The following VWA2 variants were observed in gnomAD, a reference collection of about 807,000 sequenced individuals.
The protein encoded by VWA2 is von Willebrand factor A domain containing 2.
In VWA2, 73 loss-of-function variants were observed where a neutral mutation model predicts 70.4. The observed-to-expected ratio is 1.04, with a 90% CI of 0.86 to 1.26. The LOEUF is 1.26. Ranked by LOEUF, VWA2 falls within the 50% of genes most tolerant of loss-of-function variation. The pLI, the probability that VWA2 is intolerant of heterozygous loss-of-function variation, is 0.00. For synonymous variants in VWA2, 407 were observed against 423.3 expected, an observed-to-expected ratio of 0.96 and a Z score of 0.47; for missense variants, 1,011 against 998.5, an observed-to-expected ratio of 1.01 and a Z score of -0.17.
chr10:114,272,767 T>C lies in VWA2; in HGVS notation c.399T>C (p.Ala133=), dbSNP rs757184226. 1 of 1,610,768 alleles carries C rather than the reference T, an allele frequency of 6.2e-7. No homozygotes were observed. The highest frequency in any genetic ancestry group is 8.5e-7 in the Non-Finnish European group (1 of 1,178,244). The change falls in exon 6 of 14, where the codon GCT becomes GCC. Residue 133 remains alanine (A), a synonymous_variant. Transcript: ENST00000392982. ...FKGGRTETEL[A]LKYLLHRGLP... ...GAGGGCGCACGGAGACGGAACTTGC[T>C]CTGAAATACCTTCTGCACAGAGGGT...
intron 4 of VWA2, among the ~76,000 whole-genome samples, chr10:114,255,580 G>A (rs77457607): frequency 0.019 from 2,839 of 152,324 alleles, 55 homozygotes; most frequent in Non-Finnish European, 0.025. Flanking sequence ...GAAAGGGAAA[G>A]CATGCTAAGC....
chr10:114,265,245 T>G (rs973390152), intron 5 of VWA2, among the ~76,000 whole-genome samples: 3 of 148,374 alleles, frequency 2.0e-5, no homozygotes, highest in Non-Finnish European at 4.5e-5. Flanking sequence ...GTGAATTTTA[T>G]GTTATGTAAG....
chr10:114,279,149 T>G (rs1047874995), intron 8 of VWA2, among the ~76,000 whole-genome samples: 4 of 152,120 alleles, frequency 2.6e-5, no homozygotes, highest in Non-Finnish European at 5.9e-5. Context: ...TGGTCTGCAC[T>G]TGGGATATTG....
rs187529439 is a variant in VWA2 at position 114,282,707 on chromosome 10, G to A, written c.889+136G>A. On this transcript the variant is annotated intron_variant, in intron 9 of 13. Coordinates refer to ENST00000392982, the MANE Select transcript of VWA2 (RefSeq NM_001272046.2). ...AGGGCAGAGGGATGGGGCACTTGGG[G>A]GGCAGAGGAGAGTGTGCTCTTGACT... The A allele has an allele frequency of 4.2e-4, 300 of 710,992 alleles. No individual in the cohort carries two copies. In the African/African-American group the frequency reaches 4.9e-3, roughly 12 times the overall value. The allele number at this position is 710,992 out of a possible 1,614,324, so 44.0% of individuals were successfully genotyped here.
Position 114,278,824 on chromosome 10 carries a change from T to C in VWA2, c.806T>C (p.Val269Ala). ...AGAGGATCGCGGCGGACCCTTGCGG[T>C]GCTGGCTGCACACTGTCCCTTCTAC... Reference protein sequence around the residue: ...CWRGSRRTLAVLAAHCPFYSW... With the variant: ...CWRGSRRTLAALAAHCPFYSW... The change falls in exon 8 of 14, where the codon GTG (valine) becomes GCG (alanine). Residue 269 changes from valine to alanine, a missense_variant. Transcript: ENST00000392982. The C allele has an allele frequency of 6.2e-7, 1 of 1,613,252 alleles. No individual in the cohort carries two copies. The highest frequency in any genetic ancestry group is 8.5e-7 in the Non-Finnish European group (1 of 1,180,030).
In VWA2 at chr10:114,283,397, A is replaced by C. The variant is rs139256777; in HGVS notation, c.889+826A>C. ...GGCAGGGTAGCGAGCAGTTAGACAC[A>C]CAGGCAGGGTAGCGAGTGTCCCTAT... On this transcript the variant is annotated intron_variant, in intron 9 of 13. Coordinates refer to ENST00000392982, the MANE Select transcript of VWA2 (RefSeq NM_001272046.2). 1.2e-4 allele frequency among the ~76,000 whole-genome samples: 18 copies of C among 150,744 alleles called. No homozygotes were observed. The East Asian group carries it at 3.1e-3, about 26-fold the overall frequency.
chr10:114,277,372 T>C (rs191051223), intron 6 of VWA2, among the ~76,000 whole-genome samples: 312 of 151,666 alleles, frequency 2.1e-3, no homozygotes, highest in African/African-American at 7.0e-3. Flanking sequence ...TTAGTAGAGA[T>C]GGGGTTTCAT....
At chr10:114,241,300 G>A (rs2036970502) in intron 1 of VWA2, among the ~76,000 whole-genome samples, 1 of 152,140 alleles carries the variant, frequency 6.6e-6, no homozygotes, top group South Asian at 2.1e-4. Context: ...AATGTAAAAT[G>A]ACATAAATCT....
chr10:114,282,404 T>A, intron 8 of VWA2, 112 bp from the exon 9 acceptor site: 1 of 842,250 alleles, frequency 1.2e-6, no homozygotes, highest in Non-Finnish European at 2.0e-6. Flanking sequence ...AAGTCTTTCT[T>A]ACTTCTGCAT....
intron 1 of VWA2, among the ~76,000 whole-genome samples, chr10:114,248,411 G>A (rs1286976736): frequency 3.3e-5 from 5 of 152,204 alleles, no homozygotes; most frequent in Admixed American, 1.3e-4. Context: ...TAACTCTGGG[G>A]AGAGCAGGAG....
intron 12 of VWA2, 200 bp from the exon 13 acceptor site, chr10:114,290,040 A>G (rs2039410745): frequency 3.6e-6 from 2 of 560,478 alleles, no homozygotes; most frequent in Admixed American, 3.3e-5. Flanking sequence ...CGTCTGAGCA[A>G]TGGACTCTCC....
chr10:114,242,622 C>T (rs573451433), intron 1 of VWA2, among the ~76,000 whole-genome samples: 3 of 152,236 alleles, frequency 2.0e-5, no homozygotes, highest in East Asian at 3.9e-4. Context: ...CTCTGTGTAC[C>T]AGTGCATCTG....
intron 2 of VWA2, among the ~76,000 whole-genome samples, chr10:114,252,974 C>A (rs2037229728): frequency 6.6e-6 from 1 of 151,790 alleles, no homozygotes; most frequent in Non-Finnish European, 1.5e-5. Context: ...TTTGTTTCCT[C>A]TGTGCTGTCA....
chr10:114,245,608 G>GA (rs113976663), intron 1 of VWA2, among the ~76,000 whole-genome samples: 1,515 of 149,262 alleles, frequency 0.01, 20 homozygotes, highest in African/African-American at 0.035. Context: ...GAGTAAGAGG[G>GA]AAAAAAAAAA....
intron 1 of VWA2, chr10:114,246,092 G>C (rs2037061710): frequency 1.5e-6 from 1 of 675,412 alleles, no homozygotes; most frequent in Non-Finnish European, 2.7e-6. Flanking sequence ...GATGATTGGA[G>C]GTCAGATGCA....
At chr10:114,242,030 T>C (rs1344711384) in intron 1 of VWA2, among the ~76,000 whole-genome samples, 2 of 151,856 alleles carry the variant, frequency 1.3e-5, no homozygotes, top group Non-Finnish European at 2.9e-5. Flanking sequence ...GTCCCTTCCT[T>C]TGTGTGACCT....
intron 4 of VWA2, among the ~76,000 whole-genome samples, chr10:114,260,958 G>A (rs181812316): frequency 1.1e-4 from 16 of 152,320 alleles, no homozygotes; most frequent in Non-Finnish European, 1.8e-4. Flanking sequence ...CAAGAAGATT[G>A]AATTGGGGGT....
At position 114,286,027 on chromosome 10, in the gene VWA2, C is replaced by T. The variant is rs751007508; in HGVS notation, c.1086C>T (p.Ala362=). 1 of 1,614,168 alleles carries T rather than the reference C, an allele frequency of 6.2e-7. No individual in the cohort carries two copies. Among genetic ancestry groups the T allele is most frequent in the Non-Finnish European group, 8.5e-7 (1 of 1,180,026 alleles). ...AGTTLDGFLR[A]KVFVKRFVRA... ...CCACTCTGGACGGCTTCCTGCGGGC[C>T]AAAGTCTTCGTGAAGCGGTTTGTGC... is the stretch of plus-strand genomic sequence containing the variant. Residue 362 remains alanine, a synonymous_variant, in exon 11 of 14, where the codon GCC becomes GCT. Coordinates refer to ENST00000392982, the MANE Select transcript of VWA2 (RefSeq NM_001272046.2).
chr10:114,278,446 G>A (rs781355616), intron 7 of VWA2, among the ~76,000 whole-genome samples: 12 of 152,236 alleles, frequency 7.9e-5, no homozygotes, highest in Non-Finnish European at 1.6e-4. Flanking sequence ...CATTGATGAC[G>A]TTATGTGGAA....
Sources: gnomAD v4.1 joint callset for allele counts (sites outside exome capture counted in the v4.1 genomes callset) on GRCh38, gnomAD v4.1.1 for gene constraint, MANE v1.5 for transcripts, NCBI Gene and HGNC (gene_info 2026-07-23, HGNC 2026-07-21) for gene names.